Variants in FGGY observed in about 807,000 individuals in gnomAD.
The protein encoded by FGGY is FGGY carbohydrate kinase domain-containing protein.
A neutral mutation model predicts 71.3 loss-of-function variants in FGGY; 72 were observed. The observed-to-expected ratio is 1.01, with a 90% CI of 0.84 to 1.23. The LOEUF (loss-of-function observed/expected upper bound fraction) is 1.23, where lower values mean the gene tolerates loss of function less well. Ranked by LOEUF, FGGY falls within the 50% of genes most tolerant of loss-of-function variation. The pLI is 0.00. For synonymous variants in FGGY, 251 were observed against 250.3 expected (o/e 1.00, Z -0.02); for missense variants, 668 against 682.3 (o/e 0.98, Z 0.23).
At chr1:59,394,761 C>G (rs924111508) in intron 5 of FGGY, among the ~76,000 whole-genome samples, 2 of 152,042 alleles carry the variant, frequency 1.3e-5, no homozygotes, top group Non-Finnish European at 1.5e-5. Flanking sequence ...ATTTCCTTAC[C>G]ATCTTCAACC....
chr1:59,620,317 C>G (rs947604874), intron 9 of FGGY, among the ~76,000 whole-genome samples: 1 of 151,994 alleles, frequency 6.6e-6, no homozygotes, highest in Non-Finnish European at 1.5e-5. Context: ...AAATATGTTG[C>G]CAATCCATCT....
At chr1:59,731,269 G>C (rs2098024716) in intron 14 of FGGY, among the ~76,000 whole-genome samples, 1 of 152,190 alleles carries the variant, frequency 6.6e-6, no homozygotes, top group South Asian at 2.1e-4. Flanking sequence ...AAAGAAGGCG[G>C]GAAAGAAAAA....
At chr1:59,651,741 A>G (rs1381014022) in intron 11 of FGGY, among the ~76,000 whole-genome samples, 1 of 150,518 alleles carries the variant, frequency 6.6e-6, no homozygotes, top group Non-Finnish European at 1.5e-5. Context: ...TGGAGAATTT[A>G]GTCCATTTAC....
At chr1:59,617,002 G>A (rs543987625) in intron 9 of FGGY, among the ~76,000 whole-genome samples, 2 of 152,120 alleles carry the variant, frequency 1.3e-5, no homozygotes, top group South Asian at 4.1e-4. Context: ...ACTAATTCTT[G>A]TTTATTCTCT....
chr1:59,311,460 TC>T (rs2044313435), intron 1 of FGGY, among the ~76,000 whole-genome samples: 1 of 152,198 alleles, frequency 6.6e-6, no homozygotes, highest in African/African-American at 2.4e-5. Flanking sequence ...ATCTCATTGT[TC>T]AGCTCCCACT....
intron 11 of FGGY, among the ~76,000 whole-genome samples, chr1:59,657,203 A>G (rs2153952048): frequency 6.6e-6 from 1 of 152,294 alleles, no homozygotes; most frequent in East Asian, 1.9e-4. Context: ...TTGTTAGGGG[A>G]ATGCATCTTA....
At chr1:59,514,284 G>T (rs536025321) in intron 7 of FGGY, among the ~76,000 whole-genome samples, 1 of 152,152 alleles carries the variant, frequency 6.6e-6, no homozygotes, top group Non-Finnish European at 1.5e-5. Flanking sequence ...ACTTGGCTGG[G>T]ACCGGCATAT....
intron 8 of FGGY, among the ~76,000 whole-genome samples, chr1:59,586,847 C>T (rs2096299800): frequency 6.6e-6 from 1 of 152,306 alleles, no homozygotes; most frequent in African/African-American, 2.4e-5. Flanking sequence ...CTCTGGTCTA[C>T]AGCTCCCAGC....
At position 59,553,866 on chromosome 1, in the gene FGGY, A is replaced by C. The variant is rs113355902; in HGVS notation, c.800-258A>C. 1.2e-5 allele frequency: 4 copies of C among 337,718 alleles called. No homozygotes were observed. The Admixed American group carries it at 1.8e-4, about 15-fold the overall frequency. 20.9% of individuals were successfully genotyped at this position (337,718 alleles called of 1,614,324 possible). A position where few individuals can be genotyped will look rare whatever the true frequency, so the allele number is the denominator to read the frequency against. On this transcript the variant is annotated intron_variant, in intron 7 of 15. Coordinates refer to ENST00000303721, the MANE Select transcript of FGGY (RefSeq NM_018291.5). ...GATAGCTGCTGCTTTTATTATGACA[A>C]TCACAATTACTGCCATTATTATAAC...
intron 14 of FGGY, among the ~76,000 whole-genome samples, chr1:59,744,034 G>A (rs771552485): frequency 4.6e-5 from 7 of 152,170 alleles, no homozygotes; most frequent in Non-Finnish European, 7.3e-5. Context: ...TGTAGCGCTG[G>A]GGTGGAGATT....
At position 59,380,383 on chromosome 1, in the gene FGGY, A is replaced by C. The variant is rs181776505; in HGVS notation, c.554+1546A>C. 3.2e-3 allele frequency among the ~76,000 whole-genome samples: 492 copies of C among 151,672 alleles called. 30 individuals are homozygous for C. Among genetic ancestry groups the C allele is most frequent in the African/African-American group, 0.011 (451 of 40,948 alleles). On this transcript the variant is annotated intron_variant, in intron 5 of 15. Coordinates refer to ENST00000303721, the MANE Select transcript of FGGY (RefSeq NM_018291.5). ...GAGGAATCGCCACACTGACTTCCAC[A>C]ATGGTTGAACTAGTTTACAGTCCCA...
intron 7 of FGGY, among the ~76,000 whole-genome samples, chr1:59,551,525 A>ATATATTT (rs1380080989): frequency 5.3e-5 from 8 of 152,162 alleles, no homozygotes; most frequent in African/African-American, 1.9e-4. Flanking sequence ...TCTGTCAAGG[A>ATATATTT]TCTCAGAATC....
At chr1:59,747,440 C>T (rs2098209646) in intron 14 of FGGY, among the ~76,000 whole-genome samples, 2 of 152,292 alleles carry the variant, frequency 1.3e-5, no homozygotes, top group East Asian at 3.9e-4. Flanking sequence ...GCTAGGAAAA[C>T]ACTGTGGGTA....
chr1:59,727,728 C>T (rs1007894408), intron 14 of FGGY, among the ~76,000 whole-genome samples: 1 of 152,100 alleles, frequency 6.6e-6, no homozygotes, highest in African/African-American at 2.4e-5. Context: ...AGAAAAGAGC[C>T]TGAATAGCCA....
At chr1:59,751,929 G>T (rs1403079837) in intron 14 of FGGY, among the ~76,000 whole-genome samples, 3 of 152,162 alleles carry the variant, frequency 2.0e-5, no homozygotes, top group African/African-American at 7.2e-5. Context: ...CACTAACCTG[G>T]AACATGCAAA....
intron 9 of FGGY, 152 bp downstream of exon 9, chr1:59,608,062 A>G (rs1419569128): frequency 3.3e-6 from 2 of 600,934 alleles, no homozygotes; most frequent in Non-Finnish European, 5.9e-6. Flanking sequence ...AACATGTCAT[A>G]CACATGCAGC....
chr1:59,509,639 C>G (rs2094472660), intron 6 of FGGY, among the ~76,000 whole-genome samples: 1 of 152,100 alleles, frequency 6.6e-6, no homozygotes. Context: ...TCCCTTTTTT[C>G]TGTCCTTGCT....
In FGGY at chr1:59,346,345, G is replaced by T. The variant is rs1363111885; in HGVS notation, c.412G>T (p.Gly138Trp). ...CAAGCACAGTGTCCTCCAGTACGTCGGGGGGGTGATGTCTGTGGAAATGCA... is the reference window on the plus strand; with the variant it reads ...CAAGCACAGTGTCCTCCAGTACGTCTGGGGGGTGATGTCTGTGGAAATGCA... ...ETKHSVLQYV[G>W]GVMSVEMQAP... is the part of the protein sequence containing the mutation. The change falls in exon 4 of 16, where the codon GGG becomes TGG. Residue 138 changes from glycine (G) to tryptophan (W), a missense_variant. Gly to Trp is a radical substitution (Grantham distance 184, BLOSUM62 -2). This residue lies in a region of FGGY where 661 missense variants were observed against 661.6 expected (regional missense o/e 1.00). Coordinates refer to ENST00000303721, the MANE Select transcript of FGGY (RefSeq NM_018291.5). 1 of 1,609,992 alleles carries T rather than the reference G, an allele frequency of 6.2e-7. No individual in the cohort carries two copies. The highest frequency in any genetic ancestry group is 8.5e-7 in the Non-Finnish European group (1 of 1,178,370).
In FGGY at chr1:59,560,706, C is replaced by T. The variant is rs17119619; in HGVS notation, c.903+6479C>T. Among the ~76,000 whole-genome samples, 466 of 152,028 alleles carry T rather than the reference C, an allele frequency of 3.1e-3. 2 individuals are homozygous for T. Among genetic ancestry groups the T allele is most frequent in the African/African-American group, 0.011 (450 of 41,486 alleles). The stretch of plus-strand genomic sequence containing the variant: ...AAATGTCATGCCTGCCTTCAAAGAG[C>T]TCAGGCACATTGAGAAAGACAGACA... On this transcript the variant is annotated intron_variant, in intron 8 of 15. Coordinates refer to ENST00000303721, the MANE Select transcript of FGGY (RefSeq NM_018291.5).
Sources: allele counts gnomAD v4.1 joint callset (sites outside exome capture counted in the v4.1 genomes callset), GRCh38; gene constraint gnomAD v4.1.1; regional missense constraint gnomAD v4.1.1; transcripts MANE v1.5; gene names NCBI Gene and HGNC (gene_info 2026-07-23, HGNC 2026-07-21).